Variants in SCN1A observed in about 807,000 individuals in gnomAD.
SCN1A encodes sodium voltage-gated channel alpha subunit 1, also known as sodium channel protein type 1 subunit alpha.
In SCN1A, 13 loss-of-function variants were observed where a neutral mutation model predicts 193.7. The observed-to-expected ratio is 0.07, with a 90% CI of 0.04 to 0.11. The LOEUF (loss-of-function observed/expected upper bound fraction) is 0.11. Among genes scored for constraint, SCN1A ranks in the 10% least tolerant of loss-of-function variants. The probability of loss-of-function intolerance (pLI) is 1.00; values close to 1 mark genes in which losing one functional copy is unlikely to be tolerated. For missense variants in SCN1A, 1,432 were observed against 2,451.1 expected, an observed-to-expected ratio of 0.58 and a Z score of 8.78; for synonymous variants, 781 against 843.6, an observed-to-expected ratio of 0.93 and a Z score of 1.29.
rs1364036657 is a variant in SCN1A, at chr2:166,037,908, G to A, written c.2814C>T (p.Phe938=). The change falls in exon 18 of 29, where the codon TTC becomes TTT. Residue 938 remains phenylalanine (F), a synonymous_variant. Coordinates refer to ENST00000674923, the MANE Select transcript of SCN1A (RefSeq NM_001165963.4). The stretch of plus-strand genomic sequence containing the variant: ...CGCGGAACACAATCAGGAAGGAGTG[G>A]AAGAAGTCATTCATGTGCCAGCGTG... ...QLPRWHMNDF[F]HSFLIVFRVL... 1.9e-6 allele frequency: 3 copies of A among 1,614,032 alleles called. No homozygotes were observed. The highest frequency in any genetic ancestry group is 2.5e-6 in the Non-Finnish European group (3 of 1,180,046).
At chr2:166,129,979 C>G (rs556876044), upstream of SCN1A, among the ~76,000 whole-genome samples, 6 of 152,264 alleles carry the variant, frequency 3.9e-5, no homozygotes, top group East Asian at 1.2e-3. Flanking sequence ...TCAGCTTTCC[C>G]TCACCATGGG....
chr2:166,072,906 G>A (rs377131836), intron 4 of SCN1A, among the ~76,000 whole-genome samples: 47 of 140,528 alleles, frequency 3.3e-4, no homozygotes, highest in African/African-American at 1.1e-3. Context: ...GCGTCATCTC[G>A]GCTCACTGCA....
At chr2:166,090,837 A>ATTGGTTTATTCATATTCTTGT (rs1224165103) in intron 2 of SCN1A, among the ~76,000 whole-genome samples, 1 of 152,196 alleles carries the variant, frequency 6.6e-6, no homozygotes, top group Non-Finnish European at 1.5e-5. Flanking sequence ...TTTTATATCT[A>ATTGGTTTATTCATATTCTTGT]TTGGTTTATT....
intron 4 of SCN1A, among the ~76,000 whole-genome samples, chr2:166,068,266 T>C (rs563592165): frequency 6.6e-6 from 1 of 152,328 alleles, no homozygotes; most frequent in East Asian, 1.9e-4. Context: ...GGATCTCCTA[T>C]AGATATGGCA....
At chr2:166,098,839 C>T (rs1687700267) in intron 2 of SCN1A, among the ~76,000 whole-genome samples, 1 of 152,118 alleles carries the variant, frequency 6.6e-6, no homozygotes, top group South Asian at 2.1e-4. Flanking sequence ...AATTATGAAA[C>T]ACTGATGAAA....
At chr2:166,008,198 G>A (rs984066623) in intron 23 of SCN1A, among the ~76,000 whole-genome samples, 2 of 151,142 alleles carry the variant, frequency 1.3e-5, no homozygotes, top group East Asian at 3.9e-4. Context: ...TTATTTCTGA[G>A]AAAATTAAAA....
upstream of SCN1A, among the ~76,000 whole-genome samples, chr2:166,132,089 T>C (rs550957795): frequency 7.2e-5 from 11 of 152,270 alleles, no homozygotes; most frequent in African/African-American, 2.6e-4. Flanking sequence ...CTTGAGTACC[T>C]TGAGGTGGTA....
chr2:166,147,631 G>C (rs1320458521), intron 1 of SCN1A, among the ~76,000 whole-genome samples: 2 of 152,098 alleles, frequency 1.3e-5, no homozygotes, highest in African/African-American at 4.8e-5. Context: ...CTGGTCTGAT[G>C]GGGCTCTTAT....
At chr2:166,081,646 T>C (rs1410681126) in intron 2 of SCN1A, 2 of 151,818 alleles carry the variant, frequency 1.3e-5, no homozygotes, top group Admixed American at 1.3e-4. Context: ...TCTGATGCCA[T>C]TGTGTATTTA....
intron 2 of SCN1A, among the ~76,000 whole-genome samples, chr2:166,083,293 C>T (rs183700302): frequency 6.6e-6 from 1 of 152,126 alleles, no homozygotes; most frequent in African/African-American, 2.4e-5. Context: ...ATGTTTAAAA[C>T]TTTTACATTT....
intron 1 of SCN1A, among the ~76,000 whole-genome samples, chr2:166,145,196 G>T (rs1692269871): frequency 7.6e-6 from 1 of 131,942 alleles, no homozygotes; most frequent in Non-Finnish European, 1.6e-5. Flanking sequence ...GTCTCGCTCT[G>T]TCGTCCAGGC....
chr2:166,034,843 C>T (rs1265601659), intron 19 of SCN1A, among the ~76,000 whole-genome samples: 1 of 152,148 alleles, frequency 6.6e-6, no homozygotes, highest in Non-Finnish European at 1.5e-5. Context: ...TTTCCATGTA[C>T]ATGCATTGAG....
exon 1 of SCN1A, chr2:166,149,049 C>A (rs1302530281): frequency 6.6e-6 from 1 of 152,224 alleles, no homozygotes; most frequent in East Asian, 1.9e-4. Flanking sequence ...ATATTTACCC[C>A]CAAAAGATGT....
At chr2:166,099,048 C>T (rs1340649014) in intron 2 of SCN1A, among the ~76,000 whole-genome samples, 2 of 152,144 alleles carry the variant, frequency 1.3e-5, no homozygotes, top group Admixed American at 1.3e-4. Context: ...TCCTGACTAG[C>T]CAAAGCAATC....
intron 2 of SCN1A, among the ~76,000 whole-genome samples, chr2:166,087,243 G>A (rs1686238154): frequency 6.6e-6 from 1 of 151,484 alleles, no homozygotes; most frequent in Non-Finnish European, 1.5e-5. Context: ...GAGGTGGGTG[G>A]ATCACCTGAG....
intron 2 of SCN1A, among the ~76,000 whole-genome samples, chr2:166,110,230 A>T (rs1469150554): frequency 6.6e-6 from 1 of 152,142 alleles, no homozygotes; most frequent in Non-Finnish European, 1.5e-5. Context: ...CAAAGGAAGA[A>T]TTGAATGTTT....
chr2:166,068,988 TA>T (rs960878760), intron 4 of SCN1A, among the ~76,000 whole-genome samples: 17 of 151,942 alleles, frequency 1.1e-4, no homozygotes, highest in Non-Finnish European at 2.1e-4. Context: ...TTTTCTGTAA[TA>T]AAGAGTGGGT....
rs754696891 is a variant in SCN1A at position 166,045,315 on chromosome 2, C to G, written c.1390G>C (p.Ala464Pro). The G allele has an allele frequency of 3.7e-6, 6 of 1,614,014 alleles. No individual in the cohort carries two copies. The East Asian group carries it at 1.3e-4, about 36-fold the overall frequency. ...QQEAAQQAAT[A>P]TASEHSREPS... Reference sequence around the variant, plus strand: ...TCTCTGGAATGTTCTGAGGCAGTTGCCGTTGCTGCCTGCTATATTGAAGAG... The same window carrying G: ...TCTCTGGAATGTTCTGAGGCAGTTGGCGTTGCTGCCTGCTATATTGAAGAG... The change falls in exon 13 of 29, where the codon GCA becomes CCA. Residue 464 changes from alanine to proline, a missense_variant. Physicochemically the swap from Ala to Pro is conservative, Grantham distance 27 (BLOSUM62 -1). This residue lies in a region of SCN1A where 58 missense variants were observed against 103.4 expected (regional missense o/e 0.56). Coordinates refer to ENST00000674923, the MANE Select transcript of SCN1A (RefSeq NM_001165963.4).
At chr2:166,015,026 T>A (rs1693088617) in intron 20 of SCN1A, among the ~76,000 whole-genome samples, 1 of 151,768 alleles carries the variant, frequency 6.6e-6, no homozygotes, top group Non-Finnish European at 1.5e-5. Flanking sequence ...ATAGAAAGTA[T>A]GCATATTTCC....
Sources: gnomAD v4.1 joint callset for allele counts (sites outside exome capture counted in the v4.1 genomes callset) on GRCh38, gnomAD v4.1.1 for gene constraint, gnomAD v4.1.1 regional missense constraint, MANE v1.5 for transcripts, NCBI Gene and HGNC (gene_info 2026-07-23, HGNC 2026-07-21) for gene names.